The following EIF2B5 variants were observed in gnomAD, a reference collection of about 807,000 sequenced individuals.
EIF2B5 encodes eukaryotic translation initiation factor 2B subunit epsilon.
EIF2B5 carries 38 observed loss-of-function variants against 87.3 expected under a neutral mutation model. The observed-to-expected ratio is 0.44, with a 90% CI of 0.34 to 0.57. The LOEUF is 0.57. EIF2B5 is among the 20% of genes least tolerant of loss of function. The pLI, the probability that EIF2B5 is intolerant of heterozygous loss-of-function variation, is 0.02. For missense variants in EIF2B5, 784 were observed against 909.5 expected, an observed-to-expected ratio of 0.86 and a Z score of 1.78; for synonymous variants, 313 against 339.6, an observed-to-expected ratio of 0.92 and a Z score of 0.86.
Position 184,137,993 on chromosome 3 carries a change from T to C in EIF2B5, c.602T>C (p.Val201Ala). Residue 201 changes from valine to alanine, a missense_variant, in exon 4 of 16, where the codon GTG (valine) becomes GCG (alanine). Coordinates refer to ENST00000648915, the MANE Select transcript of EIF2B5 (RefSeq NM_003907.3). ...SHPTRCHEDN[V>A]VVAVDSTTNR... ...CCAACTCGTTGCCACGAAGACAATGTGGTAGTGGCTGTGGATAGTACCACA... is the reference window on the plus strand; with the variant it reads ...CCAACTCGTTGCCACGAAGACAATGCGGTAGTGGCTGTGGATAGTACCACA... The C allele has an allele frequency of 1.2e-6, 2 of 1,614,162 alleles. No individual in the cohort carries two copies. The highest frequency in any genetic ancestry group is 1.6e-4 in the Middle Eastern group (1 of 6,062).
chr3:184,136,001 T>C, intron 1 of EIF2B5: 1 of 230,778 alleles, frequency 4.3e-6, no homozygotes. Flanking sequence ...TGTATTTTTT[T>C]TTTCCTTCCA....
chr3:184,141,583 C>G (rs537975017), intron 7 of EIF2B5, among the ~76,000 whole-genome samples: 3 of 152,132 alleles, frequency 2.0e-5, no homozygotes, highest in Non-Finnish European at 4.4e-5. Context: ...AAAAAAAAGA[C>G]TTGGTTTCTA....
At chr3:184,136,811 G>A in intron 2 of EIF2B5, 75 bp downstream of exon 2, 1 of 1,600,942 alleles carries the variant, frequency 6.2e-7, no homozygotes, top group South Asian at 1.1e-5. Context: ...TAACTAAGGG[G>A]AAATGTGAGA....
rs1577032349 is a variant in EIF2B5, at chr3:184,140,403, T to C, written c.844-15T>C. 1.2e-5 allele frequency: 19 copies of C among 1,613,842 alleles called. No individual in the cohort carries two copies. The African/African-American group carries it at 2.1e-4, about 18-fold the overall frequency. On this transcript the variant is annotated splice_polypyrimidine_tract_variant and intron_variant, in intron 6 of 15. Coordinates refer to ENST00000648915, the MANE Select transcript of EIF2B5 (RefSeq NM_003907.3). The stretch of plus-strand genomic sequence containing the variant: ...TCTTTCTTGCTTAGGTGACCTCCCT[T>C]TCCTTCTCATTCAGATCCTAGGGAA...
In EIF2B5 at chr3:184,140,844, A is replaced by G. The variant is rs1379436362; in HGVS notation, c.1156+114A>G. 4.0e-6 allele frequency: 5 copies of G among 1,247,266 alleles called. No individual in the cohort carries two copies. In the South Asian group the frequency reaches 5.0e-5, roughly 13 times the overall value. The allele number at this position is 1,247,266 out of a possible 1,614,324, so 77.3% of individuals were successfully genotyped here. A position where few individuals can be genotyped will look rare whatever the true frequency, so the allele number is the denominator to read the frequency against. On this transcript the variant is annotated intron_variant, in intron 7 of 15. Coordinates refer to ENST00000648915, the MANE Select transcript of EIF2B5 (RefSeq NM_003907.3). Reference sequence around the variant, plus strand: ...AAGGGACAGTCCCTGGGAATAAGGAACTATAGAGCGGCTACCTCAGGAAAG... The same window carrying G: ...AAGGGACAGTCCCTGGGAATAAGGAGCTATAGAGCGGCTACCTCAGGAAAG...
chr3:184,137,001 G>C (rs1170185896), intron 2 of EIF2B5: 3 of 477,988 alleles, frequency 6.3e-6, no homozygotes, highest in Non-Finnish European at 1.1e-5. Flanking sequence ...AGTGGACTTT[G>C]CTTTTATTTA....
intron 4 of EIF2B5, 42 bp downstream of exon 4, chr3:184,138,117 G>A: frequency 6.2e-7 from 1 of 1,614,146 alleles, no homozygotes; most frequent in Non-Finnish European, 8.5e-7. Context: ...GGAAGTGACA[G>A]GCTTCAGTGG....
At chr3:184,140,056 G>A (rs756999861) in intron 5 of EIF2B5, 24 bp from the exon 6 acceptor site, 1 of 1,564,434 alleles carries the variant, frequency 6.4e-7, no homozygotes, top group Non-Finnish European at 8.8e-7. Flanking sequence ...CTTAATTCTA[G>A]CCCACTCCAC....
intron 7 of EIF2B5, 132 bp downstream of exon 7, chr3:184,140,862 CAGGA>C: frequency 9.5e-7 from 1 of 1,057,038 alleles, no homozygotes; most frequent in Non-Finnish European, 1.4e-6. Context: ...GCGGCTACCT[CAGGA>C]AAGGAGGAAA....
In EIF2B5 at chr3:184,135,595, C is replaced by T; in HGVS notation, c.195+15C>T. The T allele has an allele frequency of 1.9e-6, 3 of 1,576,254 alleles. No homozygotes were observed. In the South Asian group the frequency reaches 3.5e-5, roughly 18 times the overall value. On this transcript the variant is annotated intron_variant, in intron 1 of 15. Transcript: ENST00000648915. ...ACCAGCCTCGGGTGAGCGCCGCGCA[C>T]GCGAGCAGCCAGAGGGCAGGAAGGG...
rs1314545987 is a variant in EIF2B5 at position 184,142,178 on chromosome 3, A to T, written c.1303-59A>T. On this transcript the variant is annotated intron_variant, in intron 8 of 15. Transcript: ENST00000648915. This position sits in a 1 kb window ranked among gnomAD's most constrained non-coding sequence, Gnocchi z 5.0. Reference sequence around the variant, plus strand: ...AATCCTGTCTAAAAAAGTTGCTCTCATTATCAGGATGCACTTTTCCTCCAC... The same window carrying T: ...AATCCTGTCTAAAAAAGTTGCTCTCTTTATCAGGATGCACTTTTCCTCCAC... 6.2e-7 allele frequency: 1 copy of T among 1,614,008 alleles called. No homozygotes were observed. Among genetic ancestry groups the T allele is most frequent in the East Asian group, 2.2e-5 (1 of 44,876 alleles).
In EIF2B5 at chr3:184,140,745, G is replaced by A. The variant is rs760418099; in HGVS notation, c.1156+15G>A. On this transcript the variant is annotated intron_variant, in intron 7 of 15. Transcript: ENST00000648915. ...CTGCCACATTGGTGAGCACAGGTGG[G>A]GAATCAAGCCAACTATCCTAGGAAC... 2 of 1,613,610 alleles carry A rather than the reference G, an allele frequency of 1.2e-6. No individual in the cohort carries two copies. Among genetic ancestry groups the A allele is most frequent in the East Asian group, 4.5e-5 (2 of 44,892 alleles).
intron 2 of EIF2B5, 139 bp from the exon 3 acceptor site, chr3:184,137,479 CTT>C (rs1269477289): frequency 1.3e-6 from 1 of 766,578 alleles, no homozygotes; most frequent in African/African-American, 1.7e-5. Context: ...TCATAATACT[CTT>C]TGAAGTTGAA....
chr3:184,143,314 T>C (rs1455508496), intron 12 of EIF2B5, 128 bp from the exon 13 acceptor site: 1 of 1,541,466 alleles, frequency 6.5e-7, no homozygotes, highest in Non-Finnish European at 8.9e-7. Context: ...GCATAGACTT[T>C]CTCCTTCCTA....
intron 2 of EIF2B5, chr3:184,137,032 A>C (rs997125417): frequency 3.6e-5 from 15 of 413,140 alleles, no homozygotes; most frequent in South Asian, 3.0e-4. Flanking sequence ...TATGGAAGTT[A>C]CAATGATAAC....
At chr3:184,135,826 A>C (rs1713325743) in intron 1 of EIF2B5, 1 of 591,466 alleles carries the variant, frequency 1.7e-6, no homozygotes, top group African/African-American at 1.9e-5. Flanking sequence ...CTAAATGTAG[A>C]AACAGCGCTT....
In EIF2B5 at chr3:184,140,598, A is replaced by G. The variant is rs375486298; in HGVS notation, c.1024A>G (p.Ile342Val). The stretch of plus-strand genomic sequence containing the variant: ...GAGCTGCACTCATTCCCGGCACAAC[A>G]TCTACCGAGGGCCTGAGGTCAGCCT... ...TQSCTHSRHN[I>V]YRGPEVSLGH... Residue 342 changes from isoleucine (I) to valine (V), a missense_variant, in exon 7 of 16, where the codon ATC (isoleucine) becomes GTC (valine). By Grantham distance (29) the Ile-to-Val change is conservative. Transcript: ENST00000648915. The G allele has an allele frequency of 1.4e-5, 22 of 1,613,998 alleles. No individual in the cohort carries two copies. Among genetic ancestry groups the G allele is most frequent in the Non-Finnish European group, 1.8e-5 (21 of 1,180,010 alleles).
chr3:184,140,514 A>T lies in EIF2B5; in HGVS notation c.940A>T (p.Ile314Phe). The change falls in exon 7 of 16, where the codon ATC (isoleucine) becomes TTC (phenylalanine). Residue 314 changes from isoleucine to phenylalanine, a missense_variant. Physicochemically the swap from Ile to Phe is conservative, Grantham distance 21. Around this residue, in one of 3 missense-constraint regions of EIF2B5, gnomAD observed 660 missense variants for 789.5 expected, o/e 0.84. Coordinates refer to ENST00000648915, the MANE Select transcript of EIF2B5 (RefSeq NM_003907.3). Reference protein sequence around the residue: ...HMYSAVCADVIRRWVYPLTPE... With the variant: ...HMYSAVCADVFRRWVYPLTPE... ...GTACTCAGCTGTCTGTGCTGACGTCATCCGCCGATGGGTCTACCCTCTCAC... is the reference window on the plus strand; with the variant it reads ...GTACTCAGCTGTCTGTGCTGACGTCTTCCGCCGATGGGTCTACCCTCTCAC... 6.2e-7 allele frequency: 1 copy of T among 1,614,080 alleles called. No individual in the cohort carries two copies. Among genetic ancestry groups the T allele is most frequent in the East Asian group, 2.2e-5 (1 of 44,870 alleles).
chr3:184,135,961 C>T, intron 1 of EIF2B5: 1 of 286,700 alleles, frequency 3.5e-6, no homozygotes, highest in South Asian at 4.3e-5. Context: ...GGTAATATGC[C>T]TTAAAAAGAG....
Sources: allele counts gnomAD v4.1 joint callset (sites outside exome capture counted in the v4.1 genomes callset), GRCh38; gene constraint gnomAD v4.1.1; regional missense constraint gnomAD v4.1.1; non-coding constraint Gnocchi (gnomAD v3.1); transcripts MANE v1.5; gene names NCBI Gene and HGNC (gene_info 2026-07-23, HGNC 2026-07-21).